The following QTMAN variants were observed in gnomAD, a reference collection of about 807,000 sequenced individuals.
QTMAN encodes the protein tRNA-queuosine alpha-mannosyltransferase.
the QTMAN span, among the ~76,000 whole-genome samples, chr2:144,100,770 T>C: frequency 6.6e-6 from 1 of 152,126 alleles, no homozygotes; most frequent in East Asian, 1.9e-4. Context: ...ACTTGCTTAA[T>C]GTCTCATCTA....
At chr2:143,991,115 A>G in the QTMAN span, among the ~76,000 whole-genome samples, 1 of 152,138 alleles carries the variant, frequency 6.6e-6, no homozygotes, top group Non-Finnish European at 1.5e-5. Flanking sequence ...AAGCTTAAAA[A>G]TATGATAATA....
the QTMAN span, among the ~76,000 whole-genome samples, chr2:144,134,803 A>G: frequency 6.6e-6 from 1 of 152,150 alleles, no homozygotes; most frequent in Non-Finnish European, 1.5e-5. Flanking sequence ...AGGATATAGC[A>G]TCCATTCATC....
chr2:144,020,796 C>A, the QTMAN span, among the ~76,000 whole-genome samples: 2 of 151,434 alleles, frequency 1.3e-5, no homozygotes, highest in African/African-American at 2.4e-5. Flanking sequence ...TAAAAAAAAA[C>A]CTATAAGAAA....
the QTMAN span, among the ~76,000 whole-genome samples, chr2:143,983,178 A>C: frequency 6.6e-6 from 1 of 152,296 alleles, no homozygotes; most frequent in East Asian, 1.9e-4. Context: ...TCTGAGACTT[A>C]ATTTCCTCAT....
chr2:144,330,942 C>T, the QTMAN span, among the ~76,000 whole-genome samples: 2 of 152,170 alleles, frequency 1.3e-5, no homozygotes, highest in African/African-American at 4.8e-5. Flanking sequence ...AAAATGCCAA[C>T]ACAATTTTCA....
chr2:144,086,088 ACCT>A, the QTMAN span, among the ~76,000 whole-genome samples: 1 of 152,176 alleles, frequency 6.6e-6, no homozygotes, highest in African/African-American at 2.4e-5. Context: ...GCTAAAAATC[ACCT>A]CAACAGGCAT....
chr2:144,236,735 T>C, the QTMAN span, among the ~76,000 whole-genome samples: 1 of 151,846 alleles, frequency 6.6e-6, no homozygotes, highest in East Asian at 1.9e-4. Context: ...CAAACATATC[T>C]CTTAAAAGAA....
the QTMAN span, among the ~76,000 whole-genome samples, chr2:144,155,773 G>A: frequency 6.6e-6 from 1 of 152,116 alleles, no homozygotes; most frequent in African/African-American, 2.4e-5. Flanking sequence ...CCACAGGCAA[G>A]TACAGAGTGG....
the QTMAN span, among the ~76,000 whole-genome samples, chr2:144,090,132 G>C: frequency 6.6e-6 from 1 of 151,840 alleles, no homozygotes; most frequent in Non-Finnish European, 1.5e-5. Context: ...ATTATCTCTA[G>C]ATGCAAAAAA....
At chr2:144,040,776 G>T in the QTMAN span, among the ~76,000 whole-genome samples, 10 of 152,126 alleles carry the variant, frequency 6.6e-5, 1 homozygote, top group African/African-American at 2.2e-4. Context: ...CAGATGATGA[G>T]AAGAACTCAA....
chr2:144,167,404 C>A, the QTMAN span, among the ~76,000 whole-genome samples: 6 of 152,142 alleles, frequency 3.9e-5, no homozygotes, highest in Non-Finnish European at 7.3e-5. Context: ...CATGCTATTA[C>A]TTTTAACCCA....
chr2:144,227,249 T>C, the QTMAN span, among the ~76,000 whole-genome samples: 1 of 152,152 alleles, frequency 6.6e-6, no homozygotes, highest in Non-Finnish European at 1.5e-5. Context: ...AACATATAAG[T>C]ACTACAAAAT....
chr2:144,109,792 G>T, the QTMAN span, among the ~76,000 whole-genome samples: 22 of 152,166 alleles, frequency 1.4e-4, no homozygotes, highest in African/African-American at 5.1e-4. Flanking sequence ...ATGAAAAAAT[G>T]ATCATCATCA....
At chr2:144,231,791 G>A in the QTMAN span, among the ~76,000 whole-genome samples, 3 of 151,458 alleles carry the variant, frequency 2.0e-5, no homozygotes, top group Non-Finnish European at 4.4e-5. Flanking sequence ...TAAAGTCACT[G>A]AATAGTGGTT....
chr2:143,997,002 G>A, the QTMAN span, among the ~76,000 whole-genome samples: 3 of 152,140 alleles, frequency 2.0e-5, no homozygotes, highest in Non-Finnish European at 4.4e-5. Context: ...TTTAGGGGAT[G>A]AAGTTGGTAA....
chr2:143,971,747 T>C, the QTMAN span, among the ~76,000 whole-genome samples: 1 of 152,134 alleles, frequency 6.6e-6, no homozygotes, highest in Non-Finnish European at 1.5e-5. Flanking sequence ...AAAAAATAGT[T>C]ATATATCAGC....
At chr2:144,165,882 T>C in the QTMAN span, among the ~76,000 whole-genome samples, 2 of 152,170 alleles carry the variant, frequency 1.3e-5, no homozygotes, top group Non-Finnish European at 2.9e-5. Flanking sequence ...GTCATCCTTA[T>C]TCATAAACTT....
At chr2:144,104,479 G>A in the QTMAN span, among the ~76,000 whole-genome samples, 4 of 152,154 alleles carry the variant, frequency 2.6e-5, no homozygotes, top group African/African-American at 7.2e-5. Context: ...CTGGCTTGGA[G>A]GGTCCCACGC....
chr2:144,083,636 T>A, the QTMAN span, among the ~76,000 whole-genome samples: 7 of 152,180 alleles, frequency 4.6e-5, no homozygotes, highest in Admixed American at 1.3e-4. Flanking sequence ...CAGTGATCCA[T>A]AAAGGAGAGC....
Sources: allele counts gnomAD v4.1 joint callset (sites outside exome capture counted in the v4.1 genomes callset), GRCh38; gene constraint gnomAD v4.1.1; transcripts MANE v1.5; gene names NCBI Gene and HGNC (gene_info 2026-07-23, HGNC 2026-07-21).